ACBD6: variants seen among roughly 807,000 people sequenced by gnomAD.
ACBD6 encodes acyl-CoA-binding domain-containing protein 6.
A neutral mutation model predicts 37.2 loss-of-function variants in ACBD6; 28 were observed. The observed-to-expected ratio is 0.75, with a 90% CI of 0.56 to 1.03. ACBD6 has a LOEUF of 1.03. Among genes scored for constraint, ACBD6 ranks in the 50% least tolerant of loss-of-function variants. ACBD6 has a pLI of 0.00. For synonymous variants in ACBD6, 113 were observed against 126.8 expected (o/e 0.89, Z 0.73); for missense variants, 340 against 337.4 (o/e 1.01, Z -0.06).
rs963699363 is a variant in ACBD6 at position 180,320,688 on chromosome 1, G to GT, written c.664-5967dup. ...AAATAAAATAAAACCAGATTATTAG[G>GT]TTTTTTTTGCTCCTTCTGGTTATTA... On this transcript the variant is annotated intron_variant, in intron 6 of 7. Transcript: ENST00000367595. Among the ~76,000 whole-genome samples the GT allele has an allele frequency of 3.3e-5, 5 of 151,886 alleles. No homozygotes were observed. In the East Asian group the frequency reaches 5.8e-4, roughly 18 times the overall value.
intron 7 of ACBD6, among the ~76,000 whole-genome samples, chr1:180,304,139 C>T (rs1388179681): frequency 6.6e-6 from 1 of 150,908 alleles, no homozygotes; most frequent in Non-Finnish European, 1.5e-5. Context: ...GACAAACTCA[C>T]AGCCAATATC....
In ACBD6 at chr1:180,277,370, C is replaced by T. The variant is rs564105781; in HGVS notation, c.*175-1958G>A. ...GGTGCTACATGGTAGCTGTTTCCCC[C>T]CTTGCTAAAATGACATGGATGAATT... On this transcript the variant is annotated intron_variant, in intron 9 of 13. Coordinates refer to the ACBD6 transcript ENST00000642319. 2.6e-5 allele frequency: 4 copies of T among 152,148 alleles called. No homozygotes were observed. In the East Asian group the frequency reaches 7.7e-4, roughly 29 times the overall value. The allele number at this position is 152,148 out of a possible 1,614,324, so 9.4% of individuals were successfully genotyped here. A position where few individuals can be genotyped will look rare whatever the true frequency, so the allele number is the denominator to read the frequency against.
intron 3 of ACBD6, among the ~76,000 whole-genome samples, chr1:180,455,068 C>T (rs1251469502): frequency 2.6e-5 from 4 of 152,294 alleles, no homozygotes; most frequent in Non-Finnish European, 1.5e-5. Context: ...GACACATGCA[C>T]ACGTATGTTT....
rs138216434 is a variant in ACBD6, at chr1:180,390,833, T to A, written c.663+6683A>T. On this transcript the variant is annotated intron_variant, in intron 6 of 7. Transcript: ENST00000367595. The stretch of plus-strand genomic sequence containing the variant: ...GCCTTTTTAGCAAAAATGAACACAC[T>A]GATCCTAAAATTCACATGGAAATTC... 4.6e-4 allele frequency among the ~76,000 whole-genome samples: 70 copies of A among 152,240 alleles called. 1 individual carries two copies. In the East Asian group the frequency reaches 0.013, roughly 28 times the overall value.
intron 6 of ACBD6, among the ~76,000 whole-genome samples, chr1:180,378,894 C>T (rs1274496625): frequency 6.6e-6 from 1 of 152,214 alleles, no homozygotes. Context: ...CCCACCACTG[C>T]TACTGCCACT....
At chr1:180,349,653 G>T (rs1031775061) in intron 6 of ACBD6, among the ~76,000 whole-genome samples, 8 of 151,996 alleles carry the variant, frequency 5.3e-5, no homozygotes, top group Non-Finnish European at 1.0e-4. Context: ...TTTTAAAAAT[G>T]GATTTAATTT....
intron 2 of ACBD6, among the ~76,000 whole-genome samples, chr1:180,493,185 T>C (rs1651573434): frequency 7.5e-6 from 1 of 132,942 alleles, no homozygotes; most frequent in Admixed American, 9.3e-5. Flanking sequence ...GAGGCAGAGG[T>C]TGCAGTAAGC....
chr1:180,461,916 C>T (rs919446792), intron 3 of ACBD6, among the ~76,000 whole-genome samples: 2 of 152,034 alleles, frequency 1.3e-5, no homozygotes, highest in Admixed American at 1.3e-4. Flanking sequence ...GGATCGAATC[C>T]ACACATAACA....
intron 4 of ACBD6, among the ~76,000 whole-genome samples, chr1:180,421,901 G>A (rs183077494): frequency 9.2e-5 from 14 of 152,120 alleles, no homozygotes; most frequent in Admixed American, 2.6e-4. Context: ...CTCTTGGTGA[G>A]AAGAAGTTGT....
intron 6 of ACBD6, among the ~76,000 whole-genome samples, chr1:180,364,088 T>C (rs545634009): frequency 6.6e-6 from 1 of 152,360 alleles, no homozygotes; most frequent in Admixed American, 6.5e-5. Context: ...AAAACAATGC[T>C]ACAATAAAGA....
chr1:180,491,269 A>T (rs1428347460), intron 3 of ACBD6, among the ~76,000 whole-genome samples: 1 of 152,138 alleles, frequency 6.6e-6, no homozygotes, highest in African/African-American at 2.4e-5. Context: ...ATTTTTATTG[A>T]AAAAAATTCA....
At chr1:180,340,392 G>A (rs1651933645) in intron 6 of ACBD6, among the ~76,000 whole-genome samples, 1 of 151,948 alleles carries the variant, frequency 6.6e-6, no homozygotes. Context: ...TTAGCAAAGT[G>A]GAAGTCACTG....
chr1:180,451,092 C>G (rs1197285924), intron 3 of ACBD6, among the ~76,000 whole-genome samples: 1 of 151,912 alleles, frequency 6.6e-6, no homozygotes, highest in African/African-American at 2.4e-5. Flanking sequence ...AAGCTTACAA[C>G]AAGAAAGGGA....
intron 6 of ACBD6, among the ~76,000 whole-genome samples, chr1:180,315,823 T>C (rs1409563668): frequency 6.6e-6 from 1 of 152,022 alleles, no homozygotes; most frequent in Non-Finnish European, 1.5e-5. Flanking sequence ...CTGATTGGAT[T>C]TGGAGGTAAG....
intron 4 of ACBD6, among the ~76,000 whole-genome samples, chr1:180,420,757 A>T (rs184220093): frequency 6.6e-6 from 1 of 152,308 alleles, no homozygotes; most frequent in African/African-American, 2.4e-5. Flanking sequence ...CAACCAAAAG[A>T]CCAGAAGACG....
chr1:180,490,648 T>C (rs1379399254), intron 3 of ACBD6, among the ~76,000 whole-genome samples: 2 of 150,718 alleles, frequency 1.3e-5, no homozygotes, highest in Non-Finnish European at 3.0e-5. Context: ...TAACCGGGTG[T>C]GGTGGTGGAC....
chr1:180,499,428 T>C (rs1337730050), intron 1 of ACBD6, among the ~76,000 whole-genome samples: 1 of 152,198 alleles, frequency 6.6e-6, no homozygotes, highest in African/African-American at 2.4e-5. Flanking sequence ...AAAGTCAAGT[T>C]CTTGAAAGGA....
intron 7 of ACBD6, among the ~76,000 whole-genome samples, chr1:180,312,042 C>T (rs1650613828): frequency 6.6e-6 from 1 of 152,158 alleles, no homozygotes; most frequent in Non-Finnish European, 1.5e-5. Flanking sequence ...TGTTTTTCTT[C>T]AAATTGCCTT....
intron 7 of ACBD6, 47 bp downstream of exon 7, chr1:180,314,645 G>C (rs975244734): frequency 4.8e-5 from 68 of 1,416,760 alleles, no homozygotes; most frequent in Non-Finnish European, 6.6e-5. Context: ...TAAACAAATA[G>C]AGAATATGTT....
Sources: gnomAD v4.1 joint callset for allele counts (sites outside exome capture counted in the v4.1 genomes callset) on GRCh38, gnomAD v4.1.1 for gene constraint, MANE v1.5 for transcripts, NCBI Gene and HGNC (gene_info 2026-07-23, HGNC 2026-07-21) for gene names.